Variants in SATB2 observed in about 807,000 individuals in gnomAD.
The protein encoded by SATB2 is SATB homeobox 2, also known as DNA-binding protein SATB2.
A neutral mutation model predicts 73.4 loss-of-function variants in SATB2; 1 was observed. The ratio of observed to expected loss-of-function variants is 0.01; its 90% CI spans 0.00 to 0.06. SATB2 has a LOEUF of 0.06. Among genes scored for constraint, SATB2 ranks in the 10% least tolerant of loss-of-function variants. The probability of loss-of-function intolerance (pLI) is 1.00; values close to 1 mark genes in which losing one functional copy is unlikely to be tolerated. For missense variants in SATB2, 459 were observed against 945.8 expected, an observed-to-expected ratio of 0.49 and a Z score of 6.75; for synonymous variants, 397 against 367.0, an observed-to-expected ratio of 1.08 and a Z score of -0.93.
chr2:199,323,977 A>G lies in SATB2; in HGVS notation c.1387-19T>C. ...TTTTGGCCTACCAAGAGACCATGAA[A>G]ATAATAATTTAAAAAGTGCTGCATT... On this transcript the variant is annotated intron_variant, in intron 8 of 10. Transcript: ENST00000417098. The G allele has an allele frequency of 6.2e-7, 1 of 1,613,182 alleles. No individual in the cohort carries two copies. The highest frequency in any genetic ancestry group is 8.5e-7 in the Non-Finnish European group (1 of 1,179,332).
chr2:199,432,758 A>C (rs562902154), intron 3 of SATB2, among the ~76,000 whole-genome samples: 1 of 152,218 alleles, frequency 6.6e-6, no homozygotes, highest in Non-Finnish European at 1.5e-5. Flanking sequence ...CGGGCTCCCC[A>C]GTATTGTACA....
intron 3 of SATB2, among the ~76,000 whole-genome samples, chr2:199,389,206 A>C (rs1365792400): frequency 6.6e-6 from 1 of 152,158 alleles, no homozygotes; most frequent in Non-Finnish European, 1.5e-5. Flanking sequence ...GTGAAACAAA[A>C]ATGGTTTTTG....
intron 6 of SATB2, among the ~76,000 whole-genome samples, chr2:199,361,552 C>A (rs1351755483): frequency 6.6e-6 from 1 of 151,838 alleles, no homozygotes; most frequent in African/African-American, 2.4e-5. Context: ...CCACTCACAC[C>A]CTCATACAGC....
chr2:199,376,921 CAAGT>C (rs1246939046), intron 5 of SATB2, among the ~76,000 whole-genome samples: 3 of 152,070 alleles, frequency 2.0e-5, no homozygotes, highest in Non-Finnish European at 2.9e-5. Flanking sequence ...CAAAAGCAAG[CAAGT>C]GTCAAACTGA....
chr2:199,362,635 T>A (rs1439494701), intron 6 of SATB2, among the ~76,000 whole-genome samples: 1 of 152,120 alleles, frequency 6.6e-6, no homozygotes, highest in Non-Finnish European at 1.5e-5. Context: ...ACAATTATCT[T>A]GTGAGGAAGA....
exon 1 of SATB2, chr2:199,465,008 C>A (rs537313358): frequency 2.0e-5 from 3 of 152,178 alleles, no homozygotes; most frequent in Non-Finnish European, 2.9e-5. Context: ...AGAAATTTTA[C>A]GAGGGGAACT....
At chr2:199,364,646 T>C (rs946656882) in intron 6 of SATB2, among the ~76,000 whole-genome samples, 2 of 152,174 alleles carry the variant, frequency 1.3e-5, no homozygotes, top group Non-Finnish European at 2.9e-5. Flanking sequence ...TATTATTTTA[T>C]AACACAAATA....
chr2:199,336,166 A>G (rs953657535), intron 7 of SATB2, among the ~76,000 whole-genome samples: 5 of 152,182 alleles, frequency 3.3e-5, no homozygotes, highest in African/African-American at 4.8e-5. Flanking sequence ...GTACTGGAAT[A>G]AGAGGCTATG....
chr2:199,458,229 C>T, upstream of SATB2: 1 of 101,904 alleles, frequency 9.8e-6, no homozygotes, highest in Non-Finnish European at 1.8e-5. Flanking sequence ...GGGGAGGTTG[C>T]GGGGGGAGGG....
At chr2:199,432,066 A>G (rs1691520249) in intron 3 of SATB2, among the ~76,000 whole-genome samples, 1 of 152,258 alleles carries the variant, frequency 6.6e-6, no homozygotes, top group Admixed American at 6.5e-5. Context: ...GAAATGAATC[A>G]TCCTTTATCA....
intron 3 of SATB2, among the ~76,000 whole-genome samples, chr2:199,429,910 G>A (rs1691449655): frequency 1.3e-5 from 2 of 152,048 alleles, no homozygotes; most frequent in African/African-American, 2.4e-5. Flanking sequence ...ACTCCGTCTC[G>A]AAATAAATTA....
In SATB2 at chr2:199,272,770, G is replaced by T. The variant is rs1436401014; in HGVS notation, c.1741-98C>A. The T allele has an allele frequency of 8.0e-6, 9 of 1,121,704 alleles. No homozygotes were observed. The highest frequency in any genetic ancestry group is 1.2e-5 in the Non-Finnish European group (9 of 738,668). The allele number at this position is 1,121,704 out of a possible 1,614,324, so 69.5% of individuals were successfully genotyped here. The stretch of plus-strand genomic sequence containing the variant: ...AATATGTGTTATCTATCTAGCACTG[G>T]AGGTAAGCTATAGTCATTTGTAAAG... On this transcript the variant is annotated intron_variant, in intron 10 of 10. Coordinates refer to ENST00000417098, the MANE Select transcript of SATB2 (RefSeq NM_001172509.2). The surrounding 1 kb of genome is among the most constrained non-coding windows in gnomAD (Gnocchi z 6.7).
At position 199,348,812 on chromosome 2, in the gene SATB2, G is replaced by C. The variant is rs1347347963; in HGVS notation, c.1062C>G (p.Thr354=). The change falls in exon 7 of 11, where the codon ACC becomes ACG. Residue 354 remains threonine (T), a synonymous_variant. Coordinates refer to ENST00000417098, the MANE Select transcript of SATB2 (RefSeq NM_001172509.2). ...PIPRAVKPEP[T]NSSVEVSPDI... is the part of the protein sequence containing the mutation. ...CTGGAGAGACTTCCACGGAAGAGTTGGTTGGCTCTGGCTTAACTGCTCTGG... is the reference window on the plus strand; with the variant it reads ...CTGGAGAGACTTCCACGGAAGAGTTCGTTGGCTCTGGCTTAACTGCTCTGG... The C allele has an allele frequency of 3.7e-6, 6 of 1,613,060 alleles. No homozygotes were observed. The highest frequency in any genetic ancestry group is 1.6e-4 in the Middle Eastern group (1 of 6,078).
intron 10 of SATB2, among the ~76,000 whole-genome samples, chr2:199,294,926 ACT>A (rs1186112408): frequency 6.6e-6 from 1 of 152,086 alleles, no homozygotes; most frequent in Non-Finnish European, 1.5e-5. Context: ...TTTGAGGTGC[ACT>A]GTTTGAGTTT....
chr2:199,313,702 G>C (rs1687655177), intron 9 of SATB2, among the ~76,000 whole-genome samples: 1 of 152,146 alleles, frequency 6.6e-6, no homozygotes, highest in African/African-American at 2.4e-5. Context: ...CTTACTATTT[G>C]AAGAAATGTG....
At chr2:199,348,440 T>C (rs1688717785) in intron 7 of SATB2, 2 of 473,868 alleles carry the variant, frequency 4.2e-6, no homozygotes, top group Non-Finnish European at 7.6e-6. Flanking sequence ...CATACCCAAG[T>C]CATTAGTAAC....
Position 199,270,526 on chromosome 2 carries a change from A to AT in SATB2, c.*1684dup, listed in dbSNP as rs1692122004. On this transcript the variant is annotated 3_prime_UTR_variant, in exon 11 of 11. Transcript: ENST00000417098. The stretch of plus-strand genomic sequence containing the variant: ...AGCACAACTCAAAAAAAAAAAAAAA[A>AT]TCCAACCATGTGGGACTGTTTAATG... 1 of 152,026 alleles carries AT rather than the reference A, an allele frequency of 6.6e-6. No individual in the cohort carries two copies. Among genetic ancestry groups the AT allele is most frequent in the Non-Finnish European group, 1.5e-5 (1 of 67,904 alleles). The allele number at this position is 152,026 out of a possible 1,614,324, so 9.4% of individuals were successfully genotyped here.
intron 3 of SATB2, among the ~76,000 whole-genome samples, chr2:199,415,818 T>C (rs553617087): frequency 7.2e-5 from 11 of 152,178 alleles, no homozygotes; most frequent in Middle Eastern, 3.2e-3. Flanking sequence ...AGCCCTTCTC[T>C]TTCCTGGCAT....
chr2:199,445,250 C>A (rs1351142946), intron 2 of SATB2, among the ~76,000 whole-genome samples: 1 of 152,064 alleles, frequency 6.6e-6, no homozygotes, highest in African/African-American at 2.4e-5. Context: ...GCTTGTTTCC[C>A]ACTAACCACC....
Sources: allele counts gnomAD v4.1 joint callset (sites outside exome capture counted in the v4.1 genomes callset), GRCh38; gene constraint gnomAD v4.1.1; non-coding constraint Gnocchi (gnomAD v3.1); transcripts MANE v1.5; gene names NCBI Gene and HGNC (gene_info 2026-07-23, HGNC 2026-07-21).